The following RAMP3 variants were observed in gnomAD, a reference collection of about 807,000 sequenced individuals.
RAMP3 encodes the protein receptor activity modifying protein 3, also known as receptor activity-modifying protein 3.
A neutral mutation model predicts 13.5 loss-of-function variants in RAMP3; 14 were observed. The ratio of observed to expected loss-of-function variants is 1.04; its 90% CI spans 0.69 to 1.63. The LOEUF (loss-of-function observed/expected upper bound fraction) is 1.63, where lower values mean the gene tolerates loss of function less well. Ranked by LOEUF, RAMP3 falls within the 40% of genes most tolerant of loss-of-function variation. The pLI, the probability that RAMP3 is intolerant of heterozygous loss-of-function variation, is 0.00. For synonymous variants in RAMP3, 106 were observed against 88.3 expected (o/e 1.20, Z -1.12); for missense variants, 200 against 204.8 (o/e 0.98, Z 0.14).
intron 1 of RAMP3, among the ~76,000 whole-genome samples, chr7:45,158,549 AATT>A (rs1785806730): frequency 6.6e-6 from 1 of 152,212 alleles, no homozygotes; most frequent in Non-Finnish European, 1.5e-5. Flanking sequence ...TTGCTAAAGA[AATT>A]ATCCAAGAAA....
At chr7:45,176,274 A>G (rs932974417) in intron 1 of RAMP3, among the ~76,000 whole-genome samples, 2 of 151,994 alleles carry the variant, frequency 1.3e-5, no homozygotes, top group Non-Finnish European at 2.9e-5. Flanking sequence ...TCTTCATGGT[A>G]TTTCCTCTAG....
At chr7:45,166,991 C>A (rs1385535897) in intron 1 of RAMP3, among the ~76,000 whole-genome samples, 1 of 123,924 alleles carries the variant, frequency 8.1e-6, no homozygotes, top group East Asian at 2.0e-4. Context: ...AGAGTCTTGC[C>A]TTGTTGCCCA....
At chr7:45,171,974 A>T (rs891899992) in intron 1 of RAMP3, among the ~76,000 whole-genome samples, 2 of 152,216 alleles carry the variant, frequency 1.3e-5, no homozygotes, top group Non-Finnish European at 2.9e-5. Flanking sequence ...ACAAGCAGGC[A>T]CCCATGAGGG....
intron 2 of RAMP3, among the ~76,000 whole-genome samples, chr7:45,182,559 G>A (rs961479607): frequency 2.0e-5 from 3 of 152,186 alleles, no homozygotes; most frequent in Admixed American, 6.5e-5. Flanking sequence ...ATGGACAGGG[G>A]GACCCACAGG....
Position 45,176,387 on chromosome 7 carries a change from TACACACAC to T in RAMP3, c.59-901_59-894del, listed in dbSNP as rs57539624. Among the ~76,000 whole-genome samples the T allele has an allele frequency of 3.7e-4, 54 of 147,736 alleles. 1 individual carries two copies. Among genetic ancestry groups the T allele is most frequent in the African/African-American group, 1.3e-3 (51 of 40,296 alleles). On this transcript the variant is annotated intron_variant, in intron 1 of 2. Transcript: ENST00000242249. ...GATATAGATGGCAGGGCTGTGTACCTACACACACACACACACACACACACACACCAAGA... is the reference window on the plus strand; with the variant it reads ...GATATAGATGGCAGGGCTGTGTACCTACACACACACACACACACACCAAGA...
intron 2 of RAMP3, among the ~76,000 whole-genome samples, chr7:45,179,679 G>A (rs559255762): frequency 2.5e-4 from 38 of 152,268 alleles, no homozygotes; most frequent in South Asian, 6.2e-4. Flanking sequence ...CAGTCCAGGC[G>A]TAACACCAAG....
At chr7:45,167,991 T>C (rs1207786112) in intron 1 of RAMP3, among the ~76,000 whole-genome samples, 1 of 152,250 alleles carries the variant, frequency 6.6e-6, no homozygotes, top group African/African-American at 2.4e-5. Context: ...AGCTGCGATT[T>C]TGATAGGGAT....
In RAMP3 at chr7:45,183,782, G is replaced by T. The variant is rs953841075; in HGVS notation, c.*370G>T. On this transcript the variant is annotated 3_prime_UTR_variant, in exon 3 of 3. Coordinates refer to ENST00000242249, the MANE Select transcript of RAMP3 (RefSeq NM_005856.3). The stretch of plus-strand genomic sequence containing the variant: ...CACAGAATCCAGCCTAGCCTTAGCC[G>T]CAGTCTAGGCCCTGCTTGGACTAGG... 3.8e-6 allele frequency: 2 copies of T among 531,606 alleles called. No individual in the cohort carries two copies. The highest frequency in any genetic ancestry group is 6.6e-6 in the Non-Finnish European group (2 of 300,812). 32.9% of individuals were successfully genotyped at this position (531,606 alleles called of 1,614,324 possible).
Position 45,159,921 on chromosome 7 carries a change from C to T in RAMP3, c.58+2035C>T, listed in dbSNP as rs1296642891. On this transcript the variant is annotated intron_variant, in intron 1 of 2. Transcript: ENST00000242249. Reference sequence around the variant, plus strand: ...TGCAAGCGTATGAACATGGTACCATCGTTTTTATCATTAAATGATGTCCTG... The same window carrying T: ...TGCAAGCGTATGAACATGGTACCATTGTTTTTATCATTAAATGATGTCCTG... Among the ~76,000 whole-genome samples, 8 of 152,274 alleles carry T rather than the reference C, an allele frequency of 5.3e-5. No individual in the cohort carries two copies. In the East Asian group the frequency reaches 7.7e-4, roughly 15 times the overall value.
At chr7:45,164,465 G>A (rs1168955016) in intron 1 of RAMP3, among the ~76,000 whole-genome samples, 1 of 152,216 alleles carries the variant, frequency 6.6e-6, no homozygotes, top group Non-Finnish European at 1.5e-5. Context: ...AGCCCAGGCA[G>A]TGAAGGCTGC....
At chr7:45,159,808 G>A (rs757001133) in intron 1 of RAMP3, among the ~76,000 whole-genome samples, 4 of 152,226 alleles carry the variant, frequency 2.6e-5, no homozygotes, top group Admixed American at 6.5e-5. Flanking sequence ...GGAGGTATGG[G>A]AAGGCACCCA....
At chr7:45,175,020 T>G (rs1786152383) in intron 1 of RAMP3, among the ~76,000 whole-genome samples, 1 of 152,172 alleles carries the variant, frequency 6.6e-6, no homozygotes, top group African/African-American at 2.4e-5. Flanking sequence ...CTGTGCTACA[T>G]GCAGGGATGG....
chr7:45,181,559 G>A (rs559240362), intron 2 of RAMP3, among the ~76,000 whole-genome samples: 1 of 152,350 alleles, frequency 6.6e-6, no homozygotes, highest in South Asian at 2.1e-4. Flanking sequence ...GTTACCGCAT[G>A]TGATTCTCAT....
chr7:45,160,019 A>T (rs1034471833), intron 1 of RAMP3, among the ~76,000 whole-genome samples: 9 of 152,174 alleles, frequency 5.9e-5, no homozygotes, highest in African/African-American at 9.7e-5. Context: ...GGATAGCAGT[A>T]ACTCTGGTGA....
intron 1 of RAMP3, among the ~76,000 whole-genome samples, chr7:45,168,355 G>A (rs1786012134): frequency 7.9e-6 from 1 of 125,878 alleles, no homozygotes; most frequent in African/African-American, 2.9e-5. Context: ...CCAGTGAGCC[G>A]AAATGGTGCC....
intron 1 of RAMP3, among the ~76,000 whole-genome samples, chr7:45,165,699 C>T (rs752092194): frequency 3.3e-5 from 5 of 152,200 alleles, no homozygotes; most frequent in Admixed American, 6.5e-5. Context: ...TCCCTATTTC[C>T]TCCAACCCCC....
At chr7:45,163,757 G>A (rs1002771846) in intron 1 of RAMP3, 5 of 985,258 alleles carry the variant, frequency 5.1e-6, no homozygotes, top group Non-Finnish European at 6.0e-6. Flanking sequence ...CAGCAAATCA[G>A]GAACTAAACA....
chr7:45,173,855 C>T (rs142747364), intron 1 of RAMP3, among the ~76,000 whole-genome samples: 1,526 of 152,310 alleles, frequency 0.01, 11 homozygotes, highest in Middle Eastern at 0.031. Flanking sequence ...ATCCTGGGGT[C>T]CTCACATTCA....
chr7:45,183,607 C>A lies in RAMP3; in HGVS notation c.*195C>A. On this transcript the variant is annotated 3_prime_UTR_variant, in exon 3 of 3. Coordinates refer to ENST00000242249, the MANE Select transcript of RAMP3 (RefSeq NM_005856.3). ...CTCCCTGGCTGAGGCTCAGGCTATC[C>A]GCCCAAGCTCTTTGCTCATTCTAGG... 1 of 729,722 alleles carries A rather than the reference C, an allele frequency of 1.4e-6. No homozygotes were observed. The highest frequency in any genetic ancestry group is 2.2e-6 in the Non-Finnish European group (1 of 451,360). The allele number at this position is 729,722 out of a possible 1,614,324, so 45.2% of individuals were successfully genotyped here. A position where few individuals can be genotyped will look rare whatever the true frequency, so the allele number is the denominator to read the frequency against.
Sources: gnomAD v4.1 joint callset for allele counts (sites outside exome capture counted in the v4.1 genomes callset) on GRCh38, gnomAD v4.1.1 for gene constraint, MANE v1.5 for transcripts, NCBI Gene and HGNC (gene_info 2026-07-23, HGNC 2026-07-21) for gene names.